GNB5: variants seen among roughly 807,000 people sequenced by gnomAD.
GNB5 encodes the protein G protein subunit beta 5, also known as guanine nucleotide-binding protein subunit beta-5.
GNB5 carries 37 observed loss-of-function variants against 55.3 expected under a neutral mutation model. That is an observed-to-expected ratio of 0.67 (90% CI 0.51 to 0.88). The LOEUF (loss-of-function observed/expected upper bound fraction) is 0.88. Ranked by LOEUF, GNB5 falls within the 40% of genes least tolerant of loss-of-function variation. The pLI is 0.00. For missense variants in GNB5, 476 were observed against 515.3 expected (o/e 0.92, Z 0.74); for synonymous variants, 219 against 198.5 (o/e 1.10, Z -0.87).
rs1336938543 is a variant in GNB5, at chr15:52,115,488, AGCACAGTACCTG to A, written c.*7257_*7268del. ...ATGAATCGGTATATACAAAGTGCTT[AGCACAGTACCTG>A]GCACACAGTAAAAGGTTGTCACTCC... is the stretch of plus-strand genomic sequence containing the variant. On this transcript the variant is annotated 3_prime_UTR_variant, in exon 13 of 13. Transcript: ENST00000261837. The A allele has an allele frequency of 6.6e-6, 1 of 152,236 alleles. No homozygotes were observed. Among genetic ancestry groups the A allele is most frequent in the Admixed American group, 6.5e-5 (1 of 15,286 alleles). The allele number at this position is 152,236 out of a possible 1,614,324, so 9.4% of individuals were successfully genotyped here. A position where few individuals can be genotyped will look rare whatever the true frequency, so the allele number is the denominator to read the frequency against.
At chr15:52,142,466 G>GT (rs533982917) in intron 6 of GNB5, among the ~76,000 whole-genome samples, 58 of 148,346 alleles carry the variant, frequency 3.9e-4, no homozygotes, top group Admixed American at 3.4e-3. Flanking sequence ...CCATAAATTT[G>GT]TTTTTTTTTC....
Position 52,173,365 on chromosome 15 carries a change from G to A in GNB5, c.238+6403C>T, listed in dbSNP as rs115656252. Among the ~76,000 whole-genome samples, 604 of 152,340 alleles carry A rather than the reference G, an allele frequency of 4.0e-3. 4 individuals carry two copies. The highest frequency in any genetic ancestry group is 0.013 in the African/African-American group (560 of 41,576). ...GCTGGGATTACAGGCATGAGCCACC[G>A]TGCCCAGCACATTTACTGCTTTTTA... On this transcript the variant is annotated intron_variant, in intron 3 of 12. Transcript: ENST00000261837.
At chr15:52,185,755 TATTATTA>T (rs1039640898) in intron 1 of GNB5, among the ~76,000 whole-genome samples, 10 of 95,976 alleles carry the variant, frequency 1.0e-4, no homozygotes, top group African/African-American at 5.9e-4. Context: ...TTCATCTTTT[TATTATTA>T]TTATTATTAT....
chr15:52,152,733 C>T (rs1306735478), intron 4 of GNB5, among the ~76,000 whole-genome samples: 2 of 151,850 alleles, frequency 1.3e-5, no homozygotes, highest in Non-Finnish European at 2.9e-5. Flanking sequence ...TACACCCAAA[C>T]GATACTCCCA....
At position 52,141,236 on chromosome 15, in the gene GNB5, C is replaced by T. The variant is rs1417837886; in HGVS notation, c.531G>A (p.Thr177=). The T allele has an allele frequency of 5.0e-6, 8 of 1,613,594 alleles. No individual in the cohort carries two copies. The highest frequency in any genetic ancestry group is 3.3e-5 in the South Asian group (3 of 91,080). ...LDNKCSVYPL[T]FDKNENMAAK... The stretch of plus-strand genomic sequence containing the variant: ...CAGCCATGTTTTCATTTTTGTCAAA[C>T]GTCAAGGGGTACACAGAACACTTAT... The change falls in exon 7 of 13, where the codon ACG becomes ACA. Residue 177 remains threonine (T), a synonymous_variant. Transcript: ENST00000261837.
At chr15:52,128,826 T>C (rs75991756) in intron 9 of GNB5, 1 of 438,932 alleles carries the variant, frequency 2.3e-6, no homozygotes, top group Non-Finnish European at 4.6e-6. Flanking sequence ...ATAGTCATTG[T>C]CTTCTCAATG....
chr15:52,172,616 C>T, intron 3 of GNB5, among the ~76,000 whole-genome samples: 1 of 151,902 alleles, frequency 6.6e-6, no homozygotes, highest in South Asian at 2.1e-4. Context: ...CTCGTCTCTA[C>T]AAAAAAATGC....
rs535678478 is a variant in GNB5 at position 52,153,558 on chromosome 15, A to G, written c.375+382T>C. ...TGTATTTTACAAGATCTGTATCTTA[A>G]CATTGTTCTTTATGACATAAGAATT... On this transcript the variant is annotated intron_variant, in intron 4 of 12. Transcript: ENST00000261837. 2.5e-4 allele frequency among the ~76,000 whole-genome samples: 38 copies of G among 152,380 alleles called. 1 individual carries two copies. In the South Asian group the frequency reaches 7.9e-3, roughly 32 times the overall value.
At chr15:52,145,426 T>C (rs1269460903) in intron 6 of GNB5, among the ~76,000 whole-genome samples, 4 of 151,374 alleles carry the variant, frequency 2.6e-5, no homozygotes, top group African/African-American at 9.7e-5. Context: ...GATCACTTGA[T>C]GTCAGGAGTT....
intron 12 of GNB5, among the ~76,000 whole-genome samples, chr15:52,124,005 C>CAAAAAAAAAAAAAAAAAAAAA (rs56008657): frequency 1.2e-5 from 1 of 84,418 alleles, no homozygotes. Flanking sequence ...ATAGAAAAAC[C>CAAAAAAAAAAAAAAAAAAAAA]AAAAAAAAAA....
Position 52,118,119 on chromosome 15 carries a change from C to T in GNB5, c.*4638G>A, listed in dbSNP as rs575078204. 1 of 152,454 alleles carries T rather than the reference C, an allele frequency of 6.6e-6. No individual in the cohort carries two copies. Among genetic ancestry groups the T allele is most frequent in the Non-Finnish European group, 1.5e-5 (1 of 68,258 alleles). The allele number at this position is 152,454 out of a possible 1,614,324, so 9.4% of individuals were successfully genotyped here. ...CTTCCTCCACCGACCGGGGCTGTCC[C>T]AAAGCCTCCTCTGAAGGCTTTCCCT... On this transcript the variant is annotated 3_prime_UTR_variant, in exon 13 of 13. Transcript: ENST00000261837.
At chr15:52,156,105 T>C (rs2034202161) in intron 3 of GNB5, among the ~76,000 whole-genome samples, 1 of 152,152 alleles carries the variant, frequency 6.6e-6, no homozygotes, top group South Asian at 2.1e-4. Context: ...GTTATTTATT[T>C]ATTCATTCAT....
chr15:52,181,779 G>A (rs1264416780), intron 2 of GNB5, among the ~76,000 whole-genome samples: 6 of 152,100 alleles, frequency 3.9e-5, no homozygotes, highest in Admixed American at 3.9e-4. Context: ...TTAGTATTTA[G>A]ATATTTAGCA....
In GNB5 at chr15:52,122,608, C is replaced by T; in HGVS notation, c.*149G>A. On this transcript the variant is annotated 3_prime_UTR_variant, in exon 13 of 13. Coordinates refer to ENST00000261837, the MANE Select transcript of GNB5 (RefSeq NM_016194.4). ...TTCCAGAGGTGACAGTTTTAATAGT[C>T]ATATTGGAGACGCTTAGTGACCTGT... The T allele has an allele frequency of 1.5e-6, 1 of 685,526 alleles. No homozygotes were observed. The highest frequency in any genetic ancestry group is 2.3e-5 in the Admixed American group (1 of 43,160). The allele number at this position is 685,526 out of a possible 1,614,324, so 42.5% of individuals were successfully genotyped here.
chr15:52,144,493 C>G (rs1370890802), intron 6 of GNB5: 2 of 152,194 alleles, frequency 1.3e-5, no homozygotes, highest in Non-Finnish European at 2.9e-5. Flanking sequence ...TAGTGAAGAA[C>G]TGACACTGCA....
chr15:52,146,899 T>A (rs12438194), intron 6 of GNB5, among the ~76,000 whole-genome samples: 20,715 of 151,992 alleles, frequency 0.14, 1,699 homozygotes, highest in Admixed American at 0.24. Context: ...GCTTCATTTT[T>A]AAAAATACTA....
At chr15:52,167,350 C>G (rs1296742157) in intron 3 of GNB5, among the ~76,000 whole-genome samples, 2 of 152,152 alleles carry the variant, frequency 1.3e-5, no homozygotes, top group African/African-American at 4.8e-5. Flanking sequence ...ATCCTGATAT[C>G]AAAACCTGGC....
chr15:52,148,816 G>A (rs965932498), intron 5 of GNB5, among the ~76,000 whole-genome samples: 2 of 152,184 alleles, frequency 1.3e-5, no homozygotes, highest in Non-Finnish European at 2.9e-5. Flanking sequence ...TCCAGAGAAC[G>A]AGCTGAGGTA....
chr15:52,155,369 G>A (rs1208632792), intron 3 of GNB5, among the ~76,000 whole-genome samples: 2 of 152,144 alleles, frequency 1.3e-5, no homozygotes, highest in Non-Finnish European at 2.9e-5. Context: ...CCAACTCTGT[G>A]GTCTGAGTCC....
Sources: allele counts gnomAD v4.1 joint callset (sites outside exome capture counted in the v4.1 genomes callset), GRCh38; gene constraint gnomAD v4.1.1; transcripts MANE v1.5; gene names NCBI Gene and HGNC (gene_info 2026-07-23, HGNC 2026-07-21).